Variants in MCC observed in about 807,000 individuals in gnomAD.
MCC encodes the protein MCC regulator of Wnt signaling pathway.
A neutral mutation model predicts 116.2 loss-of-function variants in MCC; 90 were observed. The observed-to-expected ratio is 0.77, with a 90% CI of 0.65 to 0.92. The LOEUF (loss-of-function observed/expected upper bound fraction) is 0.92. Ranked by LOEUF, MCC falls within the 40% of genes least tolerant of loss-of-function variation. The probability of loss-of-function intolerance (pLI) is 0.00; values close to 1 mark genes in which losing one functional copy is unlikely to be tolerated. For synonymous variants in MCC, 578 were observed against 510.5 expected (o/e 1.13, Z -1.78); for missense variants, 1,516 against 1,312.2 (o/e 1.16, Z -2.40).
chr5:113,066,355 C>T (rs1002235050), intron 13 of MCC, among the ~76,000 whole-genome samples: 3 of 152,030 alleles, frequency 2.0e-5, no homozygotes, highest in African/African-American at 7.2e-5. Flanking sequence ...TGACAGCAGG[C>T]CAAGATCATT....
intron 3 of MCC, among the ~76,000 whole-genome samples, chr5:113,287,587 A>G (rs901371027): frequency 1.3e-5 from 2 of 152,154 alleles, no homozygotes; most frequent in Non-Finnish European, 2.9e-5. Flanking sequence ...AGCCTCCCAA[A>G]GTGCTGGGAT....
intron 1 of MCC, among the ~76,000 whole-genome samples, chr5:113,406,671 C>A (rs532181288): frequency 6.6e-6 from 1 of 152,210 alleles, no homozygotes; most frequent in East Asian, 1.9e-4. Flanking sequence ...ATTTGAAAAA[C>A]ACTTTTCACT....
At chr5:113,256,719 C>G (rs1010590283) in intron 3 of MCC, among the ~76,000 whole-genome samples, 2 of 152,218 alleles carry the variant, frequency 1.3e-5, no homozygotes, top group Non-Finnish European at 2.9e-5. Context: ...TAAGAGCTAT[C>G]TGGCCGCTGC....
intron 3 of MCC, among the ~76,000 whole-genome samples, chr5:113,182,821 C>A (rs1001191494): frequency 6.6e-6 from 1 of 152,196 alleles, no homozygotes; most frequent in Non-Finnish European, 1.5e-5. Flanking sequence ...CAATGAGGAA[C>A]TGACAATCCA....
intron 5 of MCC, among the ~76,000 whole-genome samples, chr5:113,125,621 G>A (rs1581113766): frequency 1.3e-5 from 2 of 152,138 alleles, no homozygotes; most frequent in Non-Finnish European, 2.9e-5. Context: ...AAACTAACTC[G>A]ATTTATGATT....
intron 3 of MCC, chr5:113,269,143 G>T: frequency 1.0e-6 from 1 of 984,642 alleles, no homozygotes; most frequent in Non-Finnish European, 1.2e-6. Flanking sequence ...CCTGGAGGGA[G>T]ACAAGGCAGA....
intron 2 of MCC, among the ~76,000 whole-genome samples, chr5:113,349,718 T>C (rs1005456805): frequency 6.6e-5 from 10 of 151,976 alleles, no homozygotes; most frequent in African/African-American, 2.4e-4. Context: ...GAGAAAGATA[T>C]AAAGGGCATC....
At chr5:113,488,213 T>C (rs530855326) in intron 1 of MCC, 32 bp downstream of exon 1, 4 of 1,580,334 alleles carry the variant, frequency 2.5e-6, no homozygotes, top group Middle Eastern at 1.7e-4. Context: ...CTGATCTCGC[T>C]CCTGTCGGTT....
intron 3 of MCC, among the ~76,000 whole-genome samples, chr5:113,208,819 A>G (rs1005618599): frequency 6.8e-6 from 1 of 146,728 alleles, no homozygotes; most frequent in Non-Finnish European, 1.5e-5. Context: ...CTCAAAAGCA[A>G]TATGTCCCCA....
intron 1 of MCC, among the ~76,000 whole-genome samples, chr5:113,472,266 C>T (rs1160382367): frequency 6.6e-6 from 1 of 152,206 alleles, no homozygotes; most frequent in African/African-American, 2.4e-5. Context: ...ACGCTGGGAG[C>T]TGTAGACCGG....
At chr5:113,047,846 A>AC (rs1245471998) in intron 16 of MCC, among the ~76,000 whole-genome samples, 3 of 151,742 alleles carry the variant, frequency 2.0e-5, no homozygotes, top group African/African-American at 7.3e-5. Context: ...AAAAAAAAAA[A>AC]AACACCTGGG....
chr5:113,365,419 C>T (rs1007366999), intron 2 of MCC, among the ~76,000 whole-genome samples: 3 of 152,264 alleles, frequency 2.0e-5, no homozygotes, highest in South Asian at 4.1e-4. Flanking sequence ...CCTTATTACC[C>T]TGGACTTGAT....
chr5:113,221,343 T>G (rs1487506323), intron 3 of MCC, among the ~76,000 whole-genome samples: 1 of 152,342 alleles, frequency 6.6e-6, no homozygotes, highest in African/African-American at 2.4e-5. Context: ...CTTCTAACCT[T>G]CAAGCTGTCT....
intron 2 of MCC, among the ~76,000 whole-genome samples, chr5:113,364,256 A>ACC (rs1768629388): frequency 8.4e-6 from 1 of 118,744 alleles, no homozygotes; most frequent in Non-Finnish European, 1.7e-5. Flanking sequence ...AAAAAAAAAA[A>ACC]AAAACCAGAA....
intron 3 of MCC, among the ~76,000 whole-genome samples, chr5:113,289,314 G>C (rs1766390253): frequency 7.1e-6 from 1 of 140,100 alleles, no homozygotes; most frequent in Non-Finnish European, 1.5e-5. Context: ...GGGTAACACA[G>C]AGAGGCTCCA....
chr5:113,444,159 A>G (rs998577466), intron 1 of MCC, among the ~76,000 whole-genome samples: 1 of 152,056 alleles, frequency 6.6e-6, no homozygotes, highest in African/African-American at 2.4e-5. Flanking sequence ...CAGCATTTTT[A>G]AAATATGAAA....
chr5:113,062,982 C>T (rs1753327294), intron 14 of MCC, among the ~76,000 whole-genome samples: 1 of 152,204 alleles, frequency 6.6e-6, no homozygotes, highest in South Asian at 2.1e-4. Context: ...CAAGTAGACA[C>T]TGTTTTGTTA....
chr5:113,383,900 T>C (rs10051115), intron 2 of MCC, among the ~76,000 whole-genome samples: 26,167 of 152,042 alleles, frequency 0.17, 2,463 homozygotes, highest in Non-Finnish European at 0.22. Flanking sequence ...CTATGCTCAT[T>C]TGGACAGGGA....
chr5:113,327,259 A>C (rs1336792225), intron 3 of MCC, among the ~76,000 whole-genome samples: 1 of 151,970 alleles, frequency 6.6e-6, no homozygotes, highest in Admixed American at 6.6e-5. Flanking sequence ...ATTTAACATA[A>C]ATCTCAGCTG....
Sources: allele counts gnomAD v4.1 joint callset (sites outside exome capture counted in the v4.1 genomes callset), GRCh38; gene constraint gnomAD v4.1.1; transcripts MANE v1.5; gene names NCBI Gene and HGNC (gene_info 2026-07-23, HGNC 2026-07-21).